The following SYDE2 variants were observed in gnomAD, a reference collection of about 807,000 sequenced individuals.
The protein encoded by SYDE2 is synapse defective Rho GTPase homolog 2, also known as rho GTPase-activating protein SYDE2.
Under a neutral mutation model 91.5 loss-of-function variants are expected in SYDE2, and 76 were observed. That is an observed-to-expected ratio of 0.83 (90% CI 0.69 to 1.01). The LOEUF (loss-of-function observed/expected upper bound fraction) is 1.01, where lower values mean the gene tolerates loss of function less well. Among genes scored for constraint, SYDE2 ranks in the 50% least tolerant of loss-of-function variants. The probability of loss-of-function intolerance (pLI) is 0.00; values close to 1 mark genes in which losing one functional copy is unlikely to be tolerated. For missense variants in SYDE2, 1,364 were observed against 1,367.7 expected (o/e 1.00, Z 0.04); for synonymous variants, 513 against 506.4 (o/e 1.01, Z -0.18).
intron 4 of SYDE2, among the ~76,000 whole-genome samples, chr1:85,169,535 AG>A (rs1418834227): frequency 6.6e-6 from 1 of 152,218 alleles, no homozygotes; most frequent in Non-Finnish European, 1.5e-5. Context: ...CCCTATAAAA[AG>A]CTTCTCTAAA....
At chr1:85,195,690 G>A (rs1246851406) in intron 1 of SYDE2, among the ~76,000 whole-genome samples, 1 of 152,078 alleles carries the variant, frequency 6.6e-6, no homozygotes, top group East Asian at 1.9e-4. Context: ...CAAAAGATGA[G>A]CAGAATAAAT....
chr1:85,160,154 G>T, intron 6 of SYDE2: 1 of 985,106 alleles, frequency 1.0e-6, no homozygotes, highest in Non-Finnish European at 1.2e-6. Flanking sequence ...ATGAATAAGT[G>T]CCCCTTCCTA....
At position 85,183,060 on chromosome 1, in the gene SYDE2, T is replaced by C. The variant is rs1193031525; in HGVS notation, c.1582A>G (p.Lys528Glu). 2 of 1,613,268 alleles carry C rather than the reference T, an allele frequency of 1.2e-6. No homozygotes were observed. Among genetic ancestry groups the C allele is most frequent in the East Asian group, 4.5e-5 (2 of 44,866 alleles). ...AACTTTTTCATTTTCATGGAAAGTT[T>C]CCTCACAGTTCGTGGAGATTTTATT... The part of the protein sequence containing the change: ...DKIKSPRTVR[K>E]LSMKMKKLPE... Residue 528 changes from lysine to glutamate, a missense_variant, in exon 3 of 7, where the codon AAA becomes GAA. By Grantham distance (56) the Lys-to-Glu change is moderately conservative. Coordinates refer to ENST00000341460, the MANE Select transcript of SYDE2 (RefSeq NM_032184.2).
Position 85,158,597 on chromosome 1 carries a change from GAATA to G in SYDE2, c.*149_*152del, listed in dbSNP as rs201737951. Reference sequence around the variant, plus strand: ...TGAGATAAGTAAAAATTGTATTAATGAATAGTGTTTTTAATTGAATCAGATAAAC... The same window carrying G: ...TGAGATAAGTAAAAATTGTATTAATGGTGTTTTTAATTGAATCAGATAAAC... On this transcript the variant is annotated 3_prime_UTR_variant, in exon 7 of 7. Transcript: ENST00000341460. 299 of 532,564 alleles carry G rather than the reference GAATA, an allele frequency of 5.6e-4. No individual in the cohort carries two copies. Among genetic ancestry groups the G allele is most frequent in the African/African-American group, 4.7e-3 (236 of 50,278 alleles). The allele number at this position is 532,564 out of a possible 1,614,324, so 33.0% of individuals were successfully genotyped here. A position where few individuals can be genotyped will look rare whatever the true frequency, so the allele number is the denominator to read the frequency against.
At chr1:85,200,051 GA>G (rs909985430) in intron 1 of SYDE2, 200 bp downstream of exon 1, 1,679 of 693,540 alleles carry the variant, frequency 2.4e-3, no homozygotes, top group Non-Finnish European at 2.7e-3. Context: ...TGATTAAAAA[GA>G]AAAAAAAAAG....
At position 85,200,881 on chromosome 1, in the gene SYDE2, T is replaced by G. The variant is rs1658807461; in HGVS notation, c.116A>C (p.Tyr39Ser). 7.5e-7 allele frequency: 1 copy of G among 1,336,926 alleles called. No homozygotes were observed. The highest frequency in any genetic ancestry group is 1.5e-5 in the African/African-American group (1 of 64,562). The allele number at this position is 1,336,926 out of a possible 1,614,324, so 82.8% of individuals were successfully genotyped here. A position where few individuals can be genotyped will look rare whatever the true frequency, so the allele number is the denominator to read the frequency against. ...PGQPPSRGAA[Y>S]RRACPRDGER... The stretch of plus-strand genomic sequence containing the variant: ...CCCGTCCCGGGGGCAGGCTCGGCGG[T>G]ACGCGGCGCCGCGGGAAGGCGGCTG... Residue 39 changes from tyrosine to serine, a missense_variant, in exon 1 of 7, where the codon TAC (tyrosine) becomes TCC (serine). Transcript: ENST00000341460.
intron 1 of SYDE2, among the ~76,000 whole-genome samples, chr1:85,192,759 G>A (rs569169346): frequency 6.6e-6 from 1 of 152,028 alleles, no homozygotes; most frequent in South Asian, 2.1e-4. Flanking sequence ...TGGTCAAGTC[G>A]CTAGCCCTAG....
intron 6 of SYDE2, among the ~76,000 whole-genome samples, chr1:85,161,463 C>T (rs973522875): frequency 1.3e-5 from 2 of 152,082 alleles, no homozygotes; most frequent in Non-Finnish European, 1.5e-5. Flanking sequence ...TGGTGGCTCA[C>T]GCCTGTAATC....
intron 2 of SYDE2, among the ~76,000 whole-genome samples, chr1:85,183,929 TTAAC>T (rs147513277): frequency 0.021 from 3,228 of 152,264 alleles, 94 homozygotes; most frequent in African/African-American, 0.074. Context: ...ACTGAAGTCC[TTAAC>T]TAATTATTAA....
intron 4 of SYDE2, among the ~76,000 whole-genome samples, chr1:85,175,844 A>G (rs1293048508): frequency 6.6e-6 from 1 of 152,198 alleles, no homozygotes; most frequent in Admixed American, 6.5e-5. Flanking sequence ...AAATCATTTC[A>G]TTGCCTTTTT....
At chr1:85,156,125 A>G (rs537507497), downstream of SYDE2, among the ~76,000 whole-genome samples, 1 of 152,218 alleles carries the variant, frequency 6.6e-6, no homozygotes, top group Non-Finnish European at 1.5e-5. Context: ...CGTGCTGTTA[A>G]CCTCTAAGAG....
downstream of SYDE2, chr1:85,154,157 T>C (rs941590477): frequency 6.6e-6 from 1 of 151,914 alleles, no homozygotes; most frequent in Non-Finnish European, 1.5e-5. Flanking sequence ...AGACTTGTTA[T>C]TATTAATCAT....
At chr1:85,189,566 T>C (rs1266785910) in intron 2 of SYDE2, among the ~76,000 whole-genome samples, 1 of 152,212 alleles carries the variant, frequency 6.6e-6, no homozygotes, top group African/African-American at 2.4e-5. Flanking sequence ...CCAGGCACAA[T>C]GGCTCACACT....
intron 3 of SYDE2, among the ~76,000 whole-genome samples, chr1:85,180,457 C>T (rs542400333): frequency 6.6e-5 from 10 of 151,892 alleles, no homozygotes; most frequent in South Asian, 2.1e-4. Flanking sequence ...TTTGGGAGGC[C>T]GAGGCAGGCG....
chr1:85,180,214 T>G (rs1657859552), intron 3 of SYDE2, among the ~76,000 whole-genome samples: 2 of 152,130 alleles, frequency 1.3e-5, no homozygotes, highest in South Asian at 4.1e-4. Context: ...CCTATTTTCA[T>G]GTTTACAATA....
At chr1:85,168,887 C>A (rs1038995519) in intron 5 of SYDE2, among the ~76,000 whole-genome samples, 157 bp downstream of exon 5, 38 of 152,222 alleles carry the variant, frequency 2.5e-4, no homozygotes, top group African/African-American at 7.7e-4. Context: ...GTTTAAGAAG[C>A]TTTTACAGAC....
intron 6 of SYDE2, chr1:85,160,797 TA>T (rs1657029195): frequency 1.0e-6 from 1 of 985,312 alleles, no homozygotes; most frequent in African/African-American, 1.7e-5. Flanking sequence ...CTTTATGTCT[TA>T]AAATTGTCCT....
intron 5 of SYDE2, among the ~76,000 whole-genome samples, chr1:85,168,144 T>G (rs1657364200): frequency 6.6e-6 from 1 of 151,970 alleles, no homozygotes; most frequent in Non-Finnish European, 1.5e-5. Context: ...TTACCTAGTG[T>G]TGGGAAACCA....
intron 1 of SYDE2, among the ~76,000 whole-genome samples, chr1:85,196,313 G>A (rs558023723): frequency 3.7e-4 from 57 of 152,076 alleles, no homozygotes; most frequent in Non-Finnish European, 7.9e-4. Context: ...TCTACACTGG[G>A]AGCAGAATCT....
Sources: gnomAD v4.1 joint callset for allele counts (sites outside exome capture counted in the v4.1 genomes callset) on GRCh38, gnomAD v4.1.1 for gene constraint, MANE v1.5 for transcripts, NCBI Gene and HGNC (gene_info 2026-07-23, HGNC 2026-07-21) for gene names.